Variants in TRIP4 observed in about 807,000 individuals in gnomAD.
The protein encoded by TRIP4 is activating signal cointegrator 1.
A neutral mutation model predicts 81.8 loss-of-function variants in TRIP4; 54 were observed. The ratio of observed to expected loss-of-function variants is 0.66; its 90% CI spans 0.53 to 0.83. The LOEUF (loss-of-function observed/expected upper bound fraction) is 0.83, where lower values mean the gene tolerates loss of function less well. Ranked by LOEUF, TRIP4 falls within the 40% of genes least tolerant of loss-of-function variation. The probability of loss-of-function intolerance (pLI) is 0.00; values close to 1 mark genes in which losing one functional copy is unlikely to be tolerated. For synonymous variants in TRIP4, 270 were observed against 242.8 expected (o/e 1.11, Z -1.04); for missense variants, 662 against 683.6 (o/e 0.97, Z 0.35).
rs927414211 is a variant in TRIP4 at position 64,409,543 on chromosome 15, A to T, written c.828-70A>T. 27 of 1,440,882 alleles carry T rather than the reference A, an allele frequency of 1.9e-5. No individual in the cohort carries two copies. The African/African-American group carries it at 3.5e-4, about 19-fold the overall frequency. 89.3% of individuals were successfully genotyped at this position (1,440,882 alleles called of 1,614,324 possible). On this transcript the variant is annotated intron_variant, in intron 6 of 12. Transcript: ENST00000261884. ...ATTTGAGATATTAAGTTACCTTGAA[A>T]CTGTTTTCCAATAATCGGTCCTTAT...
chr15:64,403,228 C>T (rs1226635544), intron 5 of TRIP4, among the ~76,000 whole-genome samples: 1 of 151,996 alleles, frequency 6.6e-6, no homozygotes, highest in Admixed American at 6.6e-5. Flanking sequence ...GCAATCTTGG[C>T]TGACTGCAAC....
chr15:64,414,622 TTC>T (rs938861860), intron 8 of TRIP4, among the ~76,000 whole-genome samples: 4 of 149,168 alleles, frequency 2.7e-5, no homozygotes, highest in Admixed American at 2.0e-4. Context: ...GTTCAAGCTA[TTC>T]TCCTGCTTCA....
chr15:64,406,442 A>G lies in TRIP4; in HGVS notation c.810A>G (p.Leu270=). 1 of 1,613,954 alleles carries G rather than the reference A, an allele frequency of 6.2e-7. No homozygotes were observed. The highest frequency in any genetic ancestry group is 8.5e-7 in the Non-Finnish European group (1 of 1,179,982). The change falls in exon 6 of 13, where the codon TTA becomes TTG. Residue 270 remains leucine (L), a synonymous_variant. Transcript: ENST00000261884. ...EKAIKHKDKL[L]EFDRTSIRRT... ...CTATCAAGCATAAAGACAAACTGTT[A>G]GAGTTTGACAGAACTAGGTATGAAA...
chr15:64,419,715 T>A (rs781595358), intron 9 of TRIP4, among the ~76,000 whole-genome samples: 4 of 152,166 alleles, frequency 2.6e-5, no homozygotes, highest in Non-Finnish European at 5.9e-5. Flanking sequence ...TTATTATCCA[T>A]GTAAATGGAA....
At chr15:64,420,272 C>T (rs559129159) in intron 9 of TRIP4, among the ~76,000 whole-genome samples, 1 of 151,906 alleles carries the variant, frequency 6.6e-6, no homozygotes, top group South Asian at 2.1e-4. Flanking sequence ...CACGCATGTG[C>T]CACCACGCCT....
intron 11 of TRIP4, among the ~76,000 whole-genome samples, chr15:64,444,369 T>A (rs1346554335): frequency 1.3e-5 from 2 of 152,194 alleles, no homozygotes; most frequent in African/African-American, 4.8e-5. Flanking sequence ...AAAGTAAAAG[T>A]CCTAACTATT....
Position 64,414,180 on chromosome 15 carries a change from T to G in TRIP4, c.1139T>G (p.Val380Gly). The change falls in exon 8 of 13, where the codon GTA becomes GGA. Residue 380 changes from valine to glycine, a missense_variant. Val to Gly is a moderately radical substitution (Grantham distance 109). Coordinates refer to ENST00000261884, the MANE Select transcript of TRIP4 (RefSeq NM_016213.5). Reference sequence around the variant, plus strand: ...TCTGAAGAGCCTTTGGGAGTTCTGGTAAATCCCAACATGTACCAGTCCCCT... The same window carrying G: ...TCTGAAGAGCCTTTGGGAGTTCTGGGAAATCCCAACATGTACCAGTCCCCT... ...RSSEEPLGVL[V>G]NPNMYQSPPQ... 1 of 1,614,106 alleles carries G rather than the reference T, an allele frequency of 6.2e-7. No individual in the cohort carries two copies. Among genetic ancestry groups the G allele is most frequent in the South Asian group, 1.1e-5 (1 of 91,086 alleles).
At chr15:64,441,232 G>C (rs1892511663) in intron 11 of TRIP4, among the ~76,000 whole-genome samples, 1 of 151,728 alleles carries the variant, frequency 6.6e-6, no homozygotes, top group Non-Finnish European at 1.5e-5. Flanking sequence ...TCCTGACCTC[G>C]TGGTCCGCCC....
intron 11 of TRIP4, among the ~76,000 whole-genome samples, chr15:64,441,495 CG>C (rs1892517185): frequency 6.7e-6 from 1 of 148,328 alleles, no homozygotes; most frequent in Non-Finnish European, 1.5e-5. Context: ...TGGAGAGGGC[CG>C]GGCGTGGTGG....
chr15:64,388,578 G>A (rs1900023120), intron 1 of TRIP4, among the ~76,000 whole-genome samples: 1 of 152,148 alleles, frequency 6.6e-6, no homozygotes, highest in African/African-American at 2.4e-5. Context: ...CAAAGTGCTG[G>A]GATTACAGGC....
At chr15:64,414,969 C>T (rs1190561944) in intron 8 of TRIP4, among the ~76,000 whole-genome samples, 5 of 151,830 alleles carry the variant, frequency 3.3e-5, no homozygotes, top group African/African-American at 1.2e-4. Context: ...TGGCGTGGTG[C>T]CTGTAGTCCC....
rs146161756 is a variant in TRIP4 at position 64,394,410 on chromosome 15, C to T, written c.271+295C>T. On this transcript the variant is annotated intron_variant, in intron 2 of 12. Transcript: ENST00000261884. The stretch of plus-strand genomic sequence containing the variant: ...CACGTGGTCAGGAGATCGAGACCAT[C>T]GTGGCTAACACGGTGAAACCCCATC... Among the ~76,000 whole-genome samples the T allele has an allele frequency of 2.5e-4, 38 of 151,960 alleles. No individual in the cohort carries two copies. In the East Asian group the frequency reaches 6.6e-3, roughly 26 times the overall value.
At position 64,447,245 on chromosome 15, in the gene TRIP4, T is replaced by C. The variant is rs529336382; in HGVS notation, c.1678+2137T>C. ...TCAGTTACCATTTTGTGCCTCTTTG[T>C]CATTGCTTTCCCATTGTGTGAATTG... On this transcript the variant is annotated intron_variant, in intron 12 of 12. Coordinates refer to ENST00000261884, the MANE Select transcript of TRIP4 (RefSeq NM_016213.5). Among the ~76,000 whole-genome samples, 6 of 152,364 alleles carry C rather than the reference T, an allele frequency of 3.9e-5. No individual in the cohort carries two copies. The South Asian group carries it at 1.2e-3, about 32-fold the overall frequency.
At chr15:64,398,246 T>A (rs986356235) in intron 4 of TRIP4, among the ~76,000 whole-genome samples, 1 of 151,490 alleles carries the variant, frequency 6.6e-6, no homozygotes, top group East Asian at 1.9e-4. Context: ...TCCAGTGAAC[T>A]CGAGTGTCAG....
intron 11 of TRIP4, among the ~76,000 whole-genome samples, chr15:64,431,847 A>ATATATATATTT: frequency 1.8e-4 from 21 of 119,552 alleles, no homozygotes; most frequent in South Asian, 1.5e-3. Context: ...ATATATATAT[A>ATATATATATTT]TTTTTTTTAT....
intron 11 of TRIP4, among the ~76,000 whole-genome samples, chr15:64,439,584 C>T (rs886671487): frequency 3.5e-5 from 4 of 115,420 alleles, no homozygotes; most frequent in African/African-American, 6.8e-5. Flanking sequence ...AGTGCAATGG[C>T]GTAATCTTGG....
intron 11 of TRIP4, among the ~76,000 whole-genome samples, chr15:64,431,268 GA>G (rs1566981497): frequency 6.6e-5 from 10 of 152,058 alleles, no homozygotes; most frequent in African/African-American, 1.9e-4. Flanking sequence ...CAGCCCTCAC[GA>G]TGAGGGCTGT....
chr15:64,414,198 A>G lies in TRIP4; in HGVS notation c.1157A>G (p.Gln386Arg), dbSNP rs962629110. 6.2e-7 allele frequency: 1 copy of G among 1,613,966 alleles called. No homozygotes were observed. The highest frequency in any genetic ancestry group is 8.5e-7 in the Non-Finnish European group (1 of 1,180,002). The change falls in exon 8 of 13, where the codon CAG (glutamine) becomes CGG (arginine). Residue 386 changes from glutamine to arginine, a missense_variant. By Grantham distance (43) the Gln-to-Arg change is conservative. Transcript: ENST00000261884. ...GTTCTGGTAAATCCCAACATGTACC[A>G]GTCCCCTCCCCAGGTTAGTGGACCT... Reference protein sequence around the residue: ...LGVLVNPNMYQSPPQWVDHTG... With the variant: ...LGVLVNPNMYRSPPQWVDHTG...
chr15:64,418,365 G>A (rs1891932275), intron 8 of TRIP4, among the ~76,000 whole-genome samples, 176 bp from the exon 9 acceptor site: 4 of 152,154 alleles, frequency 2.6e-5, no homozygotes, highest in Non-Finnish European at 5.9e-5. Context: ...ACCCGCCTTG[G>A]CCTCTCAAAG....
Sources: allele counts gnomAD v4.1 joint callset (sites outside exome capture counted in the v4.1 genomes callset), GRCh38; gene constraint gnomAD v4.1.1; transcripts MANE v1.5; gene names NCBI Gene and HGNC (gene_info 2026-07-23, HGNC 2026-07-21).